The following C8A variants were observed in gnomAD, a reference collection of about 807,000 sequenced individuals.
C8A encodes complement component C8 alpha chain.
A neutral mutation model predicts 65.3 loss-of-function variants in C8A; 67 were observed. That is an observed-to-expected ratio of 1.03 (90% CI 0.84 to 1.26). The LOEUF is 1.26. Among genes scored for constraint, C8A ranks in the 50% most tolerant of loss-of-function variants. C8A has a pLI of 0.00. For synonymous variants in C8A, 290 were observed against 259.4 expected (o/e 1.12, Z -1.13); for missense variants, 781 against 723.9 (o/e 1.08, Z -0.90).
chr1:56,904,749 T>C (rs995269168), intron 7 of C8A, among the ~76,000 whole-genome samples: 3 of 152,218 alleles, frequency 2.0e-5, no homozygotes, highest in Non-Finnish European at 4.4e-5. Flanking sequence ...TCTCAGGTTC[T>C]ATGATTCTTT....
At chr1:56,882,921 C>G (rs998422035) in intron 5 of C8A, among the ~76,000 whole-genome samples, 1 of 152,156 alleles carries the variant, frequency 6.6e-6, no homozygotes, top group African/African-American at 2.4e-5. Flanking sequence ...AACACATGCT[C>G]TCATGATTGC....
At chr1:56,887,590 C>T (rs1431399100) in intron 7 of C8A, among the ~76,000 whole-genome samples, 1 of 152,132 alleles carries the variant, frequency 6.6e-6, no homozygotes, top group Non-Finnish European at 1.5e-5. Context: ...CTTGCAGATT[C>T]TGGATATTAG....
chr1:56,903,490 T>C (rs569708499), intron 7 of C8A, among the ~76,000 whole-genome samples: 5 of 152,340 alleles, frequency 3.3e-5, no homozygotes, highest in African/African-American at 1.2e-4. Flanking sequence ...GGTATGTCTT[T>C]ATTAGCAGCA....
At chr1:56,883,363 A>C in intron 5 of C8A, 118 bp from the exon 6 acceptor site, 1 of 850,724 alleles carries the variant, frequency 1.2e-6, no homozygotes, top group South Asian at 1.5e-5. Flanking sequence ...TTATAAAAGA[A>C]TTACCTACCA....
At position 56,885,965 on chromosome 1, in the gene C8A, T is replaced by C; in HGVS notation, c.894T>C (p.Thr298=). Residue 298 remains threonine, a synonymous_variant, in exon 7 of 11, where the codon ACT becomes ACC. Transcript: ENST00000361249. ...IFTRIFTKVQ[T]AHFKMRKDDI... is the part of the protein sequence containing the mutation. The stretch of plus-strand genomic sequence containing the variant: ...CAAGAATCTTCACAAAGGTGCAGAC[T>C]GCACATTTTAAGATGAGGAAGGATG... 1 of 1,614,012 alleles carries C rather than the reference T, an allele frequency of 6.2e-7. No homozygotes were observed. The highest frequency in any genetic ancestry group is 8.5e-7 in the Non-Finnish European group (1 of 1,179,914).
intron 1 of C8A, among the ~76,000 whole-genome samples, chr1:56,861,996 C>T (rs546427218): frequency 6.6e-6 from 1 of 152,316 alleles, no homozygotes; most frequent in East Asian, 1.9e-4. Context: ...AGGTTTTAGA[C>T]TCTTTGCCCA....
intron 4 of C8A, 76 bp from the exon 5 acceptor site, chr1:56,881,369 T>C: frequency 7.0e-7 from 1 of 1,426,968 alleles, no homozygotes; most frequent in Non-Finnish European, 9.9e-7. Context: ...GGTGGTTTAA[T>C]ATACAGATCA....
At chr1:56,906,161 C>T (rs1040594553) in intron 7 of C8A, among the ~76,000 whole-genome samples, 7 of 151,994 alleles carry the variant, frequency 4.6e-5, no homozygotes, top group Non-Finnish European at 8.8e-5. Context: ...CAGAGAACAT[C>T]GGTAGCTCTG....
intron 7 of C8A, among the ~76,000 whole-genome samples, chr1:56,887,339 G>C (rs777669803): frequency 6.6e-6 from 1 of 152,130 alleles, no homozygotes; most frequent in Non-Finnish European, 1.5e-5. Context: ...AAGCATTCCT[G>C]TTTCTCCACA....
chr1:56,868,887 T>C (rs1644116797), intron 2 of C8A, among the ~76,000 whole-genome samples: 2 of 152,244 alleles, frequency 1.3e-5, no homozygotes, highest in South Asian at 2.1e-4. Flanking sequence ...TTTCATTATG[T>C]ATAAATTGGA....
chr1:56,878,097 T>C (rs706474), intron 4 of C8A, among the ~76,000 whole-genome samples: 52,644 of 151,942 alleles, frequency 0.35, 12,039 homozygotes, highest in African/African-American at 0.64. Context: ...CCCTGGCTTG[T>C]TGATGGCTGC....
At chr1:56,883,703 G>C in intron 6 of C8A, 22 bp downstream of exon 6, 1 of 1,590,132 alleles carries the variant, frequency 6.3e-7, no homozygotes, top group Non-Finnish European at 8.6e-7. Context: ...TAATGTCTGT[G>C]TCTCACAGTA....
intron 2 of C8A, among the ~76,000 whole-genome samples, chr1:56,874,044 A>G (rs564006991): frequency 2.0e-5 from 3 of 152,226 alleles, no homozygotes; most frequent in South Asian, 4.2e-4. Context: ...GGACCCAGGG[A>G]CTCAGATGAT....
At chr1:56,868,134 C>T (rs1644109428) in intron 2 of C8A, among the ~76,000 whole-genome samples, 1 of 151,722 alleles carries the variant, frequency 6.6e-6, no homozygotes, top group African/African-American at 2.4e-5. Context: ...TTGAAAAGAC[C>T]AACACACCCA....
At chr1:56,871,924 T>C (rs562680329) in intron 2 of C8A, among the ~76,000 whole-genome samples, 126 of 152,314 alleles carry the variant, frequency 8.3e-4, no homozygotes, top group African/African-American at 2.9e-3. Context: ...GTTACTAAAC[T>C]ATATTAAATC....
chr1:56,912,725 C>T, intron 10 of C8A, 100 bp downstream of exon 10: 1 of 1,071,204 alleles, frequency 9.3e-7, no homozygotes, highest in Non-Finnish European at 1.4e-6. Flanking sequence ...TTTTGGAGCT[C>T]TCCTAGCCAA....
intron 6 of C8A, 33 bp downstream of exon 6, chr1:56,883,714 T>G: frequency 6.5e-7 from 1 of 1,549,368 alleles, no homozygotes; most frequent in South Asian, 1.1e-5. Flanking sequence ...TCTCACAGTA[T>G]TCCATAATAT....
chr1:56,885,555 G>GTTTTTTTTTTTTTTTTTTT (rs201414278), intron 6 of C8A, among the ~76,000 whole-genome samples: 1 of 127,844 alleles, frequency 7.8e-6, no homozygotes, highest in Non-Finnish European at 1.6e-5. Context: ...TTTCTTTTTT[G>GTTTTTTTTTTTTTTTTTTT]TTTTTTTTTG....
At chr1:56,856,537 ATCAG>A (rs905935903) in intron 1 of C8A, among the ~76,000 whole-genome samples, 5 of 152,108 alleles carry the variant, frequency 3.3e-5, no homozygotes, top group African/African-American at 1.2e-4. Flanking sequence ...GATCTTTCTG[ATCAG>A]TCAGAGATTT....
Sources: gnomAD v4.1 joint callset for allele counts (sites outside exome capture counted in the v4.1 genomes callset) on GRCh38, gnomAD v4.1.1 for gene constraint, MANE v1.5 for transcripts, NCBI Gene and HGNC (gene_info 2026-07-23, HGNC 2026-07-21) for gene names.